ITGAV: variants seen among roughly 807,000 people sequenced by gnomAD.
ITGAV encodes the protein integrin subunit alpha V, also known as integrin alpha-V.
ITGAV carries 76 observed loss-of-function variants against 143.8 expected under a neutral mutation model. That is an observed-to-expected ratio of 0.53 (90% CI 0.44 to 0.64). The LOEUF is 0.64. Among genes scored for constraint, ITGAV ranks in the 30% least tolerant of loss-of-function variants. The pLI is 0.00. For missense variants in ITGAV, 1,193 were observed against 1,274.7 expected, an observed-to-expected ratio of 0.94 and a Z score of 0.98; for synonymous variants, 453 against 446.7, an observed-to-expected ratio of 1.01 and a Z score of -0.18.
intron 2 of ITGAV, among the ~76,000 whole-genome samples, chr2:186,607,913 C>T (rs968852538): frequency 1.3e-5 from 2 of 152,076 alleles, no homozygotes; most frequent in Non-Finnish European, 2.9e-5. Context: ...GATGTCATAG[C>T]TTTGGGGTTC....
chr2:186,666,277 C>G (rs945542502), intron 21 of ITGAV, among the ~76,000 whole-genome samples: 3 of 152,020 alleles, frequency 2.0e-5, no homozygotes, highest in Admixed American at 6.6e-5. Context: ...TGGTTGTGGC[C>G]CTACTCATGC....
At chr2:186,615,948 C>T (rs138815986) in intron 2 of ITGAV, among the ~76,000 whole-genome samples, 276 of 151,976 alleles carry the variant, frequency 1.8e-3, no homozygotes, top group African/African-American at 5.9e-3. Context: ...GTAAAAATGT[C>T]TGTGATCTAT....
chr2:186,656,452 T>G, intron 17 of ITGAV, 51 bp downstream of exon 17: 1 of 1,291,832 alleles, frequency 7.7e-7, no homozygotes. Flanking sequence ...GTCATTAGTT[T>G]TTTATCTAAA....
chr2:186,592,339 T>C (rs1260107286), intron 1 of ITGAV, among the ~76,000 whole-genome samples: 1 of 152,088 alleles, frequency 6.6e-6, no homozygotes, highest in Non-Finnish European at 1.5e-5. Context: ...TGCGGGAGGC[T>C]GAGATGAGAG....
intron 2 of ITGAV, among the ~76,000 whole-genome samples, chr2:186,607,676 G>A (rs1687106733): frequency 6.6e-6 from 1 of 152,142 alleles, no homozygotes; most frequent in Non-Finnish European, 1.5e-5. Flanking sequence ...AACACATATA[G>A]GGATATTAAA....
In ITGAV at chr2:186,654,190, G is replaced by T. The variant is rs533366848; in HGVS notation, c.1506-460G>T. Among the ~76,000 whole-genome samples the T allele has an allele frequency of 1.3e-5, 2 of 152,006 alleles. 1 individual carries two copies. Among genetic ancestry groups the T allele is most frequent in the South Asian group, 4.2e-4 (2 of 4,814 alleles). ...TCTACTAAAAATACAAAAATTAGCC[G>T]GGTGTGGTGGTGCATGCCTGTAATC... On this transcript the variant is annotated intron_variant, in intron 15 of 29. Coordinates refer to ENST00000261023, the MANE Select transcript of ITGAV (RefSeq NM_002210.5).
chr2:186,674,693 G>A (rs939487819), intron 26 of ITGAV, among the ~76,000 whole-genome samples: 14 of 151,828 alleles, frequency 9.2e-5, no homozygotes, highest in African/African-American at 3.1e-4. Context: ...TGTATTTTGA[G>A]TAGAGATGGC....
intron 4 of ITGAV, among the ~76,000 whole-genome samples, chr2:186,628,394 A>G (rs991539381): frequency 2.6e-5 from 4 of 152,118 alleles, no homozygotes; most frequent in South Asian, 2.1e-4. Context: ...ACCGTGGACA[A>G]GGAACTTCAC....
chr2:186,625,718 G>C (rs1687660247), intron 4 of ITGAV, 131 bp downstream of exon 4: 5 of 467,638 alleles, frequency 1.1e-5, no homozygotes, highest in Non-Finnish European at 1.9e-5. Context: ...ATATTATGAT[G>C]ATAACAAAAT....
intron 16 of ITGAV, among the ~76,000 whole-genome samples, chr2:186,655,938 T>C (rs548988730): frequency 1.3e-5 from 2 of 152,334 alleles, no homozygotes; most frequent in East Asian, 3.9e-4. Flanking sequence ...ATCCTCTGGA[T>C]TTCCTCCTCT....
intron 2 of ITGAV, among the ~76,000 whole-genome samples, chr2:186,611,886 CATA>C (rs1352920161): frequency 1.3e-5 from 2 of 152,060 alleles, no homozygotes; most frequent in Admixed American, 6.5e-5. Context: ...GCCTGGGCAA[CATA>C]ATGAGATCCC....
At chr2:186,600,361 C>A (rs765978240) in intron 1 of ITGAV, 8 of 1,529,978 alleles carry the variant, frequency 5.2e-6, no homozygotes, top group Non-Finnish European at 7.1e-6. Flanking sequence ...TCCTTCTGAT[C>A]CTGTACATCT....
chr2:186,658,163 TAA>T (rs1688642857), intron 17 of ITGAV, among the ~76,000 whole-genome samples: 1 of 152,144 alleles, frequency 6.6e-6, no homozygotes, highest in South Asian at 2.1e-4. Context: ...GGGTTAATAT[TAA>T]GTCTAAAAAT....
Position 186,657,245 on chromosome 2 carries a change from A to T in ITGAV, c.1719+844A>T, listed in dbSNP as rs1424847679. Reference sequence around the variant, plus strand: ...TATTTAAAGGAAAAAACAAAACAAGACAAAAACATCAGTAAATATTTAGAC... The same window carrying T: ...TATTTAAAGGAAAAAACAAAACAAGTCAAAAACATCAGTAAATATTTAGAC... On this transcript the variant is annotated intron_variant, in intron 17 of 29. Transcript: ENST00000261023. Among the ~76,000 whole-genome samples the T allele has an allele frequency of 2.6e-5, 4 of 152,310 alleles. No homozygotes were observed. In the East Asian group the frequency reaches 7.7e-4, roughly 29 times the overall value.
chr2:186,627,980 AG>A (rs1687719529), intron 4 of ITGAV, among the ~76,000 whole-genome samples: 1 of 152,142 alleles, frequency 6.6e-6, no homozygotes, highest in Non-Finnish European at 1.5e-5. Flanking sequence ...CTAAATTGTG[AG>A]GGGCATCTTG....
rs202212473 is a variant in ITGAV at position 186,651,976 on chromosome 2, C to T, written c.1398-6C>T. The T allele has an allele frequency of 8.8e-5, 137 of 1,555,698 alleles. 1 individual carries two copies. The South Asian group carries it at 9.8e-4, about 11-fold the overall frequency. ...TTACTTCATCTTCTTTTCCCTCCCC[C>T]GCTAGGGCCAGACCAGTTATCACTG... is the stretch of plus-strand genomic sequence containing the variant. On this transcript the variant is annotated splice_region_variant and splice_polypyrimidine_tract_variant and intron_variant, in intron 14 of 29. Coordinates refer to ENST00000261023, the MANE Select transcript of ITGAV (RefSeq NM_002210.5).
intron 21 of ITGAV, 86 bp from the exon 22 acceptor site, chr2:186,666,618 A>G (rs1349259327): frequency 3.1e-6 from 2 of 647,576 alleles, no homozygotes; most frequent in Non-Finnish European, 5.1e-6. Flanking sequence ...CCCATTTTAG[A>G]ACATTATTTT....
intron 4 of ITGAV, among the ~76,000 whole-genome samples, chr2:186,628,350 G>A (rs1319428245): frequency 2.0e-5 from 3 of 152,020 alleles, no homozygotes; most frequent in Non-Finnish European, 4.4e-5. Flanking sequence ...TTGGTTAATT[G>A]GTTTGTTCTG....
intron 4 of ITGAV, among the ~76,000 whole-genome samples, chr2:186,628,731 C>T (rs190643493): frequency 6.6e-6 from 1 of 152,172 alleles, no homozygotes; most frequent in East Asian, 1.9e-4. Context: ...CACTTTTGTT[C>T]CTTCTGTCTG....
Sources: gnomAD v4.1 joint callset for allele counts (sites outside exome capture counted in the v4.1 genomes callset) on GRCh38, gnomAD v4.1.1 for gene constraint, MANE v1.5 for transcripts, NCBI Gene and HGNC (gene_info 2026-07-23, HGNC 2026-07-21) for gene names.